Variants in MDGA2 observed in about 807,000 individuals in gnomAD.
MDGA2 encodes the protein MAM domain-containing glycosylphosphatidylinositol anchor protein 2.
MDGA2 carries 40 observed loss-of-function variants against 117.8 expected under a neutral mutation model. The observed-to-expected ratio is 0.34, with a 90% CI of 0.26 to 0.44. The LOEUF is 0.44. Among genes scored for constraint, MDGA2 ranks in the 20% least tolerant of loss-of-function variants. The pLI is 1.00. For missense variants in MDGA2, 1,123 were observed against 1,250.6 expected, an observed-to-expected ratio of 0.90 and a Z score of 1.54; for synonymous variants, 452 against 439.0, an observed-to-expected ratio of 1.03 and a Z score of -0.37.
intron 1 of MDGA2, among the ~76,000 whole-genome samples, chr14:47,411,756 C>A (rs543289563): frequency 6.6e-6 from 1 of 152,232 alleles, no homozygotes; most frequent in East Asian, 1.9e-4. Context: ...CTGTCAAATT[C>A]ACAAATTCTG....
In MDGA2 at chr14:46,981,174, G is replaced by A. The variant is rs528324293; in HGVS notation, c.1820-23531C>T. ...ATCCCAGCACTTTGGGAGGCCAAGG[G>A]GGGGGCGGATCATGAGGTCAGGAGT... On this transcript the variant is annotated intron_variant, in intron 8 of 16. Transcript: ENST00000399232. Among the ~76,000 whole-genome samples the A allele has an allele frequency of 2.4e-4, 36 of 151,602 alleles. No homozygotes were observed. The East Asian group carries it at 5.8e-3, about 25-fold the overall frequency.
chr14:47,360,650 G>A (rs1891100599), intron 1 of MDGA2, among the ~76,000 whole-genome samples: 1 of 152,046 alleles, frequency 6.6e-6, no homozygotes. Context: ...TATTCATTAT[G>A]GAAAACAGTA....
At chr14:47,097,915 C>T (rs984311354) in intron 5 of MDGA2, among the ~76,000 whole-genome samples, 3 of 151,942 alleles carry the variant, frequency 2.0e-5, no homozygotes, top group Non-Finnish European at 2.9e-5. Context: ...GTAGAAAAAG[C>T]TGTGTGCAGC....
chr14:47,334,079 A>G (rs1482267938), intron 1 of MDGA2, among the ~76,000 whole-genome samples: 1 of 151,872 alleles, frequency 6.6e-6, no homozygotes, highest in Non-Finnish European at 1.5e-5. Flanking sequence ...TCACACTCAA[A>G]AGGTGATATA....
intron 1 of MDGA2, among the ~76,000 whole-genome samples, chr14:47,364,414 A>T (rs1290198712): frequency 6.6e-6 from 1 of 152,108 alleles, no homozygotes; most frequent in Non-Finnish European, 1.5e-5. Context: ...ACAGGTGCCC[A>T]ACACCACGCC....
At chr14:47,412,415 G>C (rs1892392625) in intron 1 of MDGA2, among the ~76,000 whole-genome samples, 1 of 152,062 alleles carries the variant, frequency 6.6e-6, no homozygotes, top group South Asian at 2.1e-4. Flanking sequence ...CCTAGTAGAT[G>C]GGAATACAGG....
intron 3 of MDGA2, among the ~76,000 whole-genome samples, chr14:47,195,865 A>G (rs958963645): frequency 6.6e-6 from 1 of 152,096 alleles, no homozygotes; most frequent in African/African-American, 2.4e-5. Flanking sequence ...CACGTCTGAA[A>G]TAAAGTTAAA....
At chr14:46,862,479 TAA>T (rs1173204361) in intron 14 of MDGA2, among the ~76,000 whole-genome samples, 1 of 149,806 alleles carries the variant, frequency 6.7e-6, no homozygotes, top group East Asian at 1.9e-4. Flanking sequence ...CTAGTTCTCT[TAA>T]GTTCTTAACA....
intron 1 of MDGA2, among the ~76,000 whole-genome samples, chr14:47,401,974 G>A (rs974894726): frequency 2.0e-5 from 3 of 152,102 alleles, no homozygotes; most frequent in Admixed American, 6.5e-5. Flanking sequence ...TTAGGACATG[G>A]GATCTAAAAG....
intron 1 of MDGA2, among the ~76,000 whole-genome samples, chr14:47,451,279 CTG>C (rs2138570628): frequency 6.6e-6 from 1 of 152,154 alleles, no homozygotes; most frequent in South Asian, 2.1e-4. Flanking sequence ...AAGAAGGAAA[CTG>C]GGATAAGGGA....
chr14:47,117,929 A>C, intron 5 of MDGA2, among the ~76,000 whole-genome samples: 1 of 152,210 alleles, frequency 6.6e-6, no homozygotes, highest in East Asian at 1.9e-4. Flanking sequence ...TAATAAAATA[A>C]AATTTAAAAA....
intron 10 of MDGA2, among the ~76,000 whole-genome samples, chr14:46,886,246 A>G (rs577458090): frequency 1.3e-5 from 2 of 152,242 alleles, no homozygotes; most frequent in Non-Finnish European, 2.9e-5. Context: ...AAAATGGAAA[A>G]TGATCTATAC....
chr14:47,431,602 T>C (rs1461494730), intron 1 of MDGA2, among the ~76,000 whole-genome samples: 1 of 152,062 alleles, frequency 6.6e-6, no homozygotes, highest in African/African-American at 2.4e-5. Context: ...TTGAAGAAAT[T>C]TGATCATGTT....
chr14:46,986,081 T>A (rs1281444752), intron 8 of MDGA2, among the ~76,000 whole-genome samples: 2 of 152,082 alleles, frequency 1.3e-5, no homozygotes, highest in African/African-American at 4.8e-5. Flanking sequence ...GCCTGAGGAA[T>A]CTTGCTAAAA....
chr14:46,986,147 G>GTT (rs11419291), intron 8 of MDGA2, among the ~76,000 whole-genome samples: 3 of 151,942 alleles, frequency 2.0e-5, no homozygotes, highest in African/African-American at 7.3e-5. Context: ...ACAGACCACT[G>GTT]TTTTTTTGCT....
intron 1 of MDGA2, among the ~76,000 whole-genome samples, chr14:47,611,113 A>G (rs1443003473): frequency 6.6e-6 from 1 of 152,116 alleles, no homozygotes; most frequent in Non-Finnish European, 1.5e-5. Flanking sequence ...TGGAAAAAGG[A>G]CAGCCTATTC....
intron 1 of MDGA2, among the ~76,000 whole-genome samples, chr14:47,668,299 C>T (rs1006078121): frequency 5.9e-5 from 9 of 152,246 alleles, no homozygotes; most frequent in South Asian, 4.1e-4. Flanking sequence ...CGGTATAAAA[C>T]GGAAATAATT....
chr14:47,446,167 C>T (rs947032146), intron 1 of MDGA2, among the ~76,000 whole-genome samples: 8 of 151,958 alleles, frequency 5.3e-5, no homozygotes, highest in South Asian at 2.1e-4. Context: ...TTATTAAAGA[C>T]GAAATTTTAC....
intron 5 of MDGA2, among the ~76,000 whole-genome samples, chr14:47,129,246 C>G (rs182715984): frequency 1.3e-5 from 2 of 151,470 alleles, no homozygotes; most frequent in South Asian, 2.1e-4. Flanking sequence ...AGCTCCCCCC[C>G]CGACCCCACA....
Sources: gnomAD v4.1 joint callset for allele counts (sites outside exome capture counted in the v4.1 genomes callset) on GRCh38, gnomAD v4.1.1 for gene constraint, MANE v1.5 for transcripts, NCBI Gene and HGNC (gene_info 2026-07-23, HGNC 2026-07-21) for gene names.